The following CHCHD3 variants were observed in gnomAD, a reference collection of about 807,000 sequenced individuals.
The protein encoded by CHCHD3 is MICOS complex subunit MIC19.
A neutral mutation model predicts 38.2 loss-of-function variants in CHCHD3; 20 were observed. The ratio of observed to expected loss-of-function variants is 0.52; its 90% CI spans 0.37 to 0.76. The LOEUF (loss-of-function observed/expected upper bound fraction) is 0.76, where lower values mean the gene tolerates loss of function less well. Ranked by LOEUF, CHCHD3 falls within the 30% of genes least tolerant of loss-of-function variation. The pLI is 0.00. For synonymous variants in CHCHD3, 82 were observed against 100.0 expected, an observed-to-expected ratio of 0.82 and a Z score of 1.07; for missense variants, 245 against 279.2, an observed-to-expected ratio of 0.88 and a Z score of 0.87.
chr7:132,956,314 AT>A (rs904751763), intron 4 of CHCHD3, among the ~76,000 whole-genome samples: 3 of 152,214 alleles, frequency 2.0e-5, no homozygotes, highest in African/African-American at 7.2e-5. Flanking sequence ...TAAGGCAAAG[AT>A]TTTTTATACA....
intron 3 of CHCHD3, among the ~76,000 whole-genome samples, chr7:132,994,497 T>G (rs1002021120): frequency 6.6e-6 from 1 of 151,984 alleles, no homozygotes; most frequent in South Asian, 2.1e-4. Context: ...GAGGGAAGAG[T>G]GATATCCGTT....
intron 6 of CHCHD3, among the ~76,000 whole-genome samples, chr7:132,815,928 T>C (rs1807191250): frequency 6.6e-6 from 1 of 152,216 alleles, no homozygotes; most frequent in Non-Finnish European, 1.5e-5. Flanking sequence ...GCTGAGTCTG[T>C]CATAGCCTCC....
intron 4 of CHCHD3, among the ~76,000 whole-genome samples, chr7:132,942,205 G>C (rs1295568986): frequency 1.3e-5 from 2 of 152,106 alleles, no homozygotes; most frequent in African/African-American, 2.4e-5. Flanking sequence ...AAAGTCACAC[G>C]GGCAGGAGGA....
chr7:132,884,038 C>G (rs1809143199), intron 5 of CHCHD3, among the ~76,000 whole-genome samples: 1 of 152,108 alleles, frequency 6.6e-6, no homozygotes, highest in South Asian at 2.1e-4. Flanking sequence ...TCATTACTTC[C>G]CCTGTCGGCA....
chr7:133,007,711 G>A (rs1054803622), intron 3 of CHCHD3, among the ~76,000 whole-genome samples: 1 of 152,216 alleles, frequency 6.6e-6, no homozygotes, highest in East Asian at 1.9e-4. Context: ...TACAATATAC[G>A]TGTCCCAACT....
At chr7:133,002,846 G>C (rs1231023448) in intron 3 of CHCHD3, among the ~76,000 whole-genome samples, 3 of 152,112 alleles carry the variant, frequency 2.0e-5, no homozygotes, top group Non-Finnish European at 2.9e-5. Context: ...TACAGTAAAT[G>C]TTGCAATGAT....
chr7:132,841,428 C>CA (rs10599275), intron 5 of CHCHD3, among the ~76,000 whole-genome samples: 28 of 141,088 alleles, frequency 2.0e-4, no homozygotes, highest in African/African-American at 2.6e-4. Flanking sequence ...ACAACAACAA[C>CA]AAAAAAAAAA....
intron 6 of CHCHD3, among the ~76,000 whole-genome samples, chr7:132,808,131 C>A (rs1806979335): frequency 6.6e-6 from 1 of 152,174 alleles, no homozygotes; most frequent in Admixed American, 6.5e-5. Flanking sequence ...TTGGCACAAA[C>A]CCTTCTGATT....
intron 6 of CHCHD3, among the ~76,000 whole-genome samples, chr7:132,821,741 T>C (rs1807379085): frequency 1.5e-5 from 2 of 137,044 alleles, no homozygotes; most frequent in Admixed American, 1.6e-4. Context: ...AGCTTAGCAC[T>C]CAAATCTTTT....
At chr7:133,006,422 G>A (rs982550373) in intron 3 of CHCHD3, among the ~76,000 whole-genome samples, 34 of 152,082 alleles carry the variant, frequency 2.2e-4, no homozygotes, top group East Asian at 1.2e-3. Flanking sequence ...AGCTGAGATC[G>A]CGCCGCTGCA....
chr7:132,796,314 TTGA>T, intron 7 of CHCHD3, 125 bp downstream of exon 7: 6 of 992,786 alleles, frequency 6.0e-6, no homozygotes, highest in Non-Finnish European at 9.0e-6. Flanking sequence ...ACAGTAATTC[TTGA>T]TGATGATGAC....
At chr7:132,998,007 A>ATATAGC in intron 3 of CHCHD3, among the ~76,000 whole-genome samples, 1 of 152,254 alleles carries the variant, frequency 6.6e-6, no homozygotes, top group Non-Finnish European at 1.5e-5. Context: ...AAATTTCATT[A>ATATAGC]AGATGTATAG....
intron 4 of CHCHD3, among the ~76,000 whole-genome samples, chr7:132,949,876 T>G (rs1486774048): frequency 6.6e-6 from 1 of 152,118 alleles, no homozygotes; most frequent in Non-Finnish European, 1.5e-5. Context: ...ACAGAATGGC[T>G]AGTCTAGACA....
intron 7 of CHCHD3, among the ~76,000 whole-genome samples, chr7:132,796,201 T>C (rs1167546480): frequency 6.6e-6 from 1 of 152,156 alleles, no homozygotes; most frequent in Non-Finnish European, 1.5e-5. Flanking sequence ...AAAAGTATAA[T>C]TGTAGTAGAA....
intron 4 of CHCHD3, among the ~76,000 whole-genome samples, chr7:132,911,462 G>A (rs971756606): frequency 1.3e-5 from 2 of 152,220 alleles, no homozygotes; most frequent in African/African-American, 4.8e-5. Context: ...GGTCAAGGCA[G>A]ACACAAGACG....
chr7:133,046,123 GT>G (rs1813976108), intron 2 of CHCHD3, among the ~76,000 whole-genome samples: 1 of 152,060 alleles, frequency 6.6e-6, no homozygotes, highest in African/African-American at 2.4e-5. Flanking sequence ...TTTTGTAATT[GT>G]TTATTCTGTT....
At chr7:132,912,850 C>T (rs1268252567) in intron 4 of CHCHD3, among the ~76,000 whole-genome samples, 6 of 152,172 alleles carry the variant, frequency 3.9e-5, no homozygotes, top group South Asian at 2.1e-4. Flanking sequence ...CCACTGCGCC[C>T]GGCCAAAGAT....
intron 4 of CHCHD3, among the ~76,000 whole-genome samples, chr7:132,895,643 T>C (rs113723839): frequency 6.6e-6 from 1 of 152,332 alleles, no homozygotes; most frequent in Admixed American, 6.5e-5. Context: ...TGAATAAGTC[T>C]CATGAGATAT....
At chr7:132,901,642 G>A (rs962834316) in intron 4 of CHCHD3, among the ~76,000 whole-genome samples, 6 of 152,230 alleles carry the variant, frequency 3.9e-5, no homozygotes, top group East Asian at 3.9e-4. Flanking sequence ...CATATCCTTC[G>A]CCTACTTGTT....
Sources: gnomAD v4.1 joint callset for allele counts (sites outside exome capture counted in the v4.1 genomes callset) on GRCh38, gnomAD v4.1.1 for gene constraint, MANE v1.5 for transcripts, NCBI Gene and HGNC (gene_info 2026-07-23, HGNC 2026-07-21) for gene names.